CSRNP2: variants seen among roughly 807,000 people sequenced by gnomAD.
The protein encoded by CSRNP2 is cysteine and serine rich nuclear protein 2.
CSRNP2 carries 11 observed loss-of-function variants against 36.6 expected under a neutral mutation model. That is an observed-to-expected ratio of 0.30 (90% CI 0.19 to 0.50). CSRNP2 has a LOEUF of 0.50. CSRNP2 is among the 20% of genes least tolerant of loss of function. CSRNP2 has a pLI of 0.98. For synonymous variants in CSRNP2, 248 were observed against 275.3 expected (o/e 0.90, Z 0.98); for missense variants, 483 against 691.4 (o/e 0.70, Z 3.38).
At chr12:51,082,224 T>C (rs150334609) in intron 1 of CSRNP2, among the ~76,000 whole-genome samples, 365 of 152,356 alleles carry the variant, frequency 2.4e-3, no homozygotes, top group Non-Finnish European at 3.9e-3. Context: ...ACCAGGATCA[T>C]GAACTTACAA....
Position 51,067,638 on chromosome 12 carries a change from T to C in CSRNP2, c.708+35A>G. 3 of 1,596,040 alleles carry C rather than the reference T, an allele frequency of 1.9e-6. No homozygotes were observed. Among genetic ancestry groups the C allele is most frequent in the Non-Finnish European group, 2.6e-6 (3 of 1,168,730 alleles). On this transcript the variant is annotated intron_variant, in intron 4 of 4. Coordinates refer to ENST00000228515, the MANE Select transcript of CSRNP2 (RefSeq NM_030809.3). The surrounding 1 kb of genome is among the most constrained non-coding windows in gnomAD (Gnocchi z 4.1). ...CCACACCTCACCCCGCTGACCCTGG[T>C]GTAGATATACTATCTCAGGCCAACT...
intron 3 of CSRNP2, among the ~76,000 whole-genome samples, chr12:51,069,227 G>A (rs1429564751): frequency 1.3e-5 from 2 of 151,260 alleles, no homozygotes; most frequent in Non-Finnish European, 2.9e-5. Flanking sequence ...TGCCCACCTC[G>A]GCCTCCCAAA....
At chr12:51,069,234 CAA>C (rs1192349268) in intron 3 of CSRNP2, among the ~76,000 whole-genome samples, 1 of 151,658 alleles carries the variant, frequency 6.6e-6, no homozygotes, top group Non-Finnish European at 1.5e-5. Context: ...CTCGGCCTCC[CAA>C]AGTGATGGGA....
rs1937744372 is a variant in CSRNP2, at chr12:51,063,134, G to GA, written c.*611dup. ...ACAGACCAGGAATCCCCAGTGTGGG[G>GA]AACAGGTCAGAGAACACCAAACATG... On this transcript the variant is annotated 3_prime_UTR_variant, in exon 5 of 5. Coordinates refer to ENST00000228515, the MANE Select transcript of CSRNP2 (RefSeq NM_030809.3). 6.6e-6 allele frequency: 1 copy of GA among 152,158 alleles called. No homozygotes were observed. Among genetic ancestry groups the GA allele is most frequent in the African/African-American group, 2.4e-5 (1 of 41,434 alleles). 9.4% of individuals were successfully genotyped at this position (152,158 alleles called of 1,614,324 possible).
At chr12:51,075,035 A>G (rs1333791433) in intron 2 of CSRNP2, among the ~76,000 whole-genome samples, 5 of 152,190 alleles carry the variant, frequency 3.3e-5, no homozygotes, top group Non-Finnish European at 7.3e-5. Context: ...ACTGCACTTC[A>G]GCCTGACGAC....
chr12:51,065,986 G>C (rs1008892213), intron 4 of CSRNP2, among the ~76,000 whole-genome samples: 7 of 152,198 alleles, frequency 4.6e-5, no homozygotes, highest in African/African-American at 1.7e-4. Context: ...TGGTATTGCT[G>C]TTTTCAACTG....
In CSRNP2 at chr12:51,069,050, G is replaced by A. The variant is rs552497875; in HGVS notation, c.412-1081C>T. Among the ~76,000 whole-genome samples, 11 of 151,946 alleles carry A rather than the reference G, an allele frequency of 7.2e-5. No homozygotes were observed. In the East Asian group the frequency reaches 9.7e-4, roughly 13 times the overall value. ...GAGTGCAGTGGCGTGATCTCAGCTC[G>A]CTGCAAGCTCCACCTCCTGGGTTCA... On this transcript the variant is annotated intron_variant, in intron 3 of 4. Transcript: ENST00000228515.
intron 1 of CSRNP2, among the ~76,000 whole-genome samples, chr12:51,077,112 A>G (rs4768953): frequency 0.11 from 16,550 of 151,522 alleles, 1,453 homozygotes; most frequent in African/African-American, 0.21. Flanking sequence ...ACTAGACCCA[A>G]CTATTTATCT....
At chr12:51,080,457 T>C (rs1169959551) in intron 1 of CSRNP2, among the ~76,000 whole-genome samples, 1 of 152,174 alleles carries the variant, frequency 6.6e-6, no homozygotes, top group Non-Finnish European at 1.5e-5. Flanking sequence ...TATTCTCCTC[T>C]TTTTCTGTGT....
chr12:51,075,819 C>A lies in CSRNP2; in HGVS notation c.151+592G>T, dbSNP rs184156798. 1.8e-4 allele frequency among the ~76,000 whole-genome samples: 28 copies of A among 152,178 alleles called. 1 individual carries two copies. Among genetic ancestry groups the A allele is most frequent in the African/African-American group, 6.5e-4 (27 of 41,506 alleles). On this transcript the variant is annotated intron_variant, in intron 2 of 4. Coordinates refer to ENST00000228515, the MANE Select transcript of CSRNP2 (RefSeq NM_030809.3). ...ATCCCTGCACTTTGGGAGGCCGAGG[C>A]GGGTGGGTCACCTGTGGTCAGGAGT...
rs1168126935 is a variant in CSRNP2 at position 51,062,350 on chromosome 12, A to C, written c.*1396T>G. ...GGTGTAAAGGATGCTTGAGAAGAAT[A>C]GTTTTGCTCCCTACTGCCTCCATTT... On this transcript the variant is annotated 3_prime_UTR_variant, in exon 5 of 5. Coordinates refer to ENST00000228515, the MANE Select transcript of CSRNP2 (RefSeq NM_030809.3). 6.6e-6 allele frequency: 1 copy of C among 152,232 alleles called. No individual in the cohort carries two copies. Among genetic ancestry groups the C allele is most frequent in the Non-Finnish European group, 1.5e-5 (1 of 68,030 alleles). 9.4% of individuals were successfully genotyped at this position (152,232 alleles called of 1,614,324 possible).
intron 1 of CSRNP2, among the ~76,000 whole-genome samples, chr12:51,078,394 GA>G (rs1440536198): frequency 2.2e-3 from 14 of 6,332 alleles, no homozygotes; most frequent in Non-Finnish European, 0.015. Flanking sequence ...ATTTGCCAGG[GA>G]AGAAAAAAAA....
In CSRNP2 at chr12:51,063,158, T is replaced by G. The variant is rs1426053198; in HGVS notation, c.*588A>C. 1.3e-5 allele frequency: 2 copies of G among 152,164 alleles called. No homozygotes were observed. Among genetic ancestry groups the G allele is most frequent in the Admixed American group, 1.3e-4 (2 of 15,266 alleles). 9.4% of individuals were successfully genotyped at this position (152,164 alleles called of 1,614,324 possible). A position where few individuals can be genotyped will look rare whatever the true frequency, so the allele number is the denominator to read the frequency against. On this transcript the variant is annotated 3_prime_UTR_variant, in exon 5 of 5. Coordinates refer to ENST00000228515, the MANE Select transcript of CSRNP2 (RefSeq NM_030809.3). ...GGAACAGGTCAGAGAACACCAAACA[T>G]GTCAAATATTAACTTATTTACCAAA... is the stretch of plus-strand genomic sequence containing the variant.
In CSRNP2 at chr12:51,062,269, A is replaced by G. The variant is rs1033581979; in HGVS notation, c.*1477T>C. 1.3e-5 allele frequency: 2 copies of G among 152,160 alleles called. No homozygotes were observed. Among genetic ancestry groups the G allele is most frequent in the African/African-American group, 4.8e-5 (2 of 41,430 alleles). 9.4% of individuals were successfully genotyped at this position (152,160 alleles called of 1,614,324 possible). ...AGGAGTAGTGTCTCCCCCCCAACAC[A>G]GTTTTTCACTTTTGTGTGTGTGTGT... On this transcript the variant is annotated 3_prime_UTR_variant, in exon 5 of 5. Coordinates refer to ENST00000228515, the MANE Select transcript of CSRNP2 (RefSeq NM_030809.3).
Position 51,074,018 on chromosome 12 carries a change from A to G in CSRNP2, c.216T>C (p.Thr72=). The change falls in exon 3 of 5, where the codon ACT becomes ACC. Residue 72 remains threonine (T), a synonymous_variant. Coordinates refer to ENST00000228515, the MANE Select transcript of CSRNP2 (RefSeq NM_030809.3). The part of the protein sequence containing the change: ...RRKNVRFDQV[T]VYYFARRQGF... Reference sequence around the variant, plus strand: ...CTTGGCGCCGGGCAAAGTAGTATACAGTCACCTGGTCAAAGCGTACATTCT... The same window carrying G: ...CTTGGCGCCGGGCAAAGTAGTATACGGTCACCTGGTCAAAGCGTACATTCT... 1 of 1,614,254 alleles carries G rather than the reference A, an allele frequency of 6.2e-7. No homozygotes were observed. Among genetic ancestry groups the G allele is most frequent in the Non-Finnish European group, 8.5e-7 (1 of 1,180,050 alleles).
rs770698466 is a variant in CSRNP2, at chr12:51,067,400, G to A, written c.708+273C>T. On this transcript the variant is annotated intron_variant, in intron 4 of 4. Transcript: ENST00000228515. This position sits in a 1 kb window ranked among gnomAD's most constrained non-coding sequence, Gnocchi z 4.1. ...TCTGTGACCCAGGCTGGCGTGCACTGGTGTGAACTCAGCTCACTGCAGCCT... is the reference window on the plus strand; with the variant it reads ...TCTGTGACCCAGGCTGGCGTGCACTAGTGTGAACTCAGCTCACTGCAGCCT... 6.6e-6 allele frequency among the ~76,000 whole-genome samples: 1 copy of A among 152,022 alleles called. No homozygotes were observed. Among genetic ancestry groups the A allele is most frequent in the Non-Finnish European group, 1.5e-5 (1 of 68,016 alleles).
In CSRNP2 at chr12:51,062,295, G is replaced by C. The variant is rs967875454; in HGVS notation, c.*1451C>G. 6.6e-6 allele frequency: 1 copy of C among 152,094 alleles called. No individual in the cohort carries two copies. Among genetic ancestry groups the C allele is most frequent in the Non-Finnish European group, 1.5e-5 (1 of 68,020 alleles). 9.4% of individuals were successfully genotyped at this position (152,094 alleles called of 1,614,324 possible). On this transcript the variant is annotated 3_prime_UTR_variant, in exon 5 of 5. Coordinates refer to ENST00000228515, the MANE Select transcript of CSRNP2 (RefSeq NM_030809.3). ...GTTTTTCACTTTTGTGTGTGTGTGT[G>C]GTTAATAAACCATACCAGAAGTAAA...
At chr12:51,068,575 C>G (rs533616772) in intron 3 of CSRNP2, among the ~76,000 whole-genome samples, 1 of 152,246 alleles carries the variant, frequency 6.6e-6, no homozygotes, top group Admixed American at 6.5e-5. Flanking sequence ...CCAAGCTTCT[C>G]AAAAACCCGT....
chr12:51,072,227 T>C (rs1352121846), intron 3 of CSRNP2, among the ~76,000 whole-genome samples: 3 of 152,052 alleles, frequency 2.0e-5, no homozygotes, highest in Non-Finnish European at 4.4e-5. Flanking sequence ...TGAGAGGTAG[T>C]AGCAACTATG....
Sources: allele counts gnomAD v4.1 joint callset (sites outside exome capture counted in the v4.1 genomes callset), GRCh38; gene constraint gnomAD v4.1.1; non-coding constraint Gnocchi (gnomAD v3.1); transcripts MANE v1.5; gene names NCBI Gene and HGNC (gene_info 2026-07-23, HGNC 2026-07-21).